Variants in MBOAT2 observed in about 807,000 individuals in gnomAD.
MBOAT2 encodes membrane bound glycerophospholipid O-acyltransferase 2.
A neutral mutation model predicts 63.4 loss-of-function variants in MBOAT2; 28 were observed. The observed-to-expected ratio is 0.44, with a 90% CI of 0.33 to 0.61. The LOEUF (loss-of-function observed/expected upper bound fraction) is 0.61. Among genes scored for constraint, MBOAT2 ranks in the 20% least tolerant of loss-of-function variants. MBOAT2 has a pLI of 0.03. For synonymous variants in MBOAT2, 211 were observed against 215.6 expected (o/e 0.98, Z 0.19); for missense variants, 470 against 605.8 (o/e 0.78, Z 2.35).
chr2:8,897,932 T>G (rs1055885487), intron 4 of MBOAT2, among the ~76,000 whole-genome samples: 8 of 152,204 alleles, frequency 5.3e-5, no homozygotes, highest in Non-Finnish European at 8.8e-5. Context: ...CTTTGCCACC[T>G]AGTATGCCAT....
chr2:8,967,834 T>C (rs1376697527), intron 1 of MBOAT2, among the ~76,000 whole-genome samples: 2 of 151,818 alleles, frequency 1.3e-5, no homozygotes, highest in Non-Finnish European at 2.9e-5. Context: ...TAGATACAAC[T>C]TCATCACATA....
At chr2:8,941,740 G>T (rs1045646234) in intron 3 of MBOAT2, among the ~76,000 whole-genome samples, 1 of 152,052 alleles carries the variant, frequency 6.6e-6, no homozygotes, top group African/African-American at 2.4e-5. Context: ...AGTCACATGT[G>T]CACTAGTGGC....
At chr2:8,897,659 C>T (rs893312739) in intron 4 of MBOAT2, among the ~76,000 whole-genome samples, 3 of 152,166 alleles carry the variant, frequency 2.0e-5, no homozygotes, top group African/African-American at 7.2e-5. Flanking sequence ...CATAACCTGC[C>T]CTTCATATCC....
chr2:8,919,981 G>A (rs1457118825), intron 3 of MBOAT2, among the ~76,000 whole-genome samples: 1 of 152,064 alleles, frequency 6.6e-6, no homozygotes, highest in East Asian at 1.9e-4. Context: ...GCCCAGGCTG[G>A]TCTCAAACTC....
intron 1 of MBOAT2, among the ~76,000 whole-genome samples, chr2:8,972,211 C>G (rs1220732226): frequency 2.6e-5 from 4 of 152,110 alleles, no homozygotes; most frequent in South Asian, 4.1e-4. Flanking sequence ...AGAAATAATA[C>G]CACACATCTA....
chr2:8,902,642 C>T (rs1268595803), intron 4 of MBOAT2, among the ~76,000 whole-genome samples: 1 of 152,072 alleles, frequency 6.6e-6, no homozygotes, highest in Non-Finnish European at 1.5e-5. Flanking sequence ...AGCTGTAGAC[C>T]TTTGCGGTGA....
intron 9 of MBOAT2, among the ~76,000 whole-genome samples, 160 bp downstream of exon 9, chr2:8,868,286 G>A (rs1662046430): frequency 6.6e-6 from 1 of 152,088 alleles, no homozygotes; most frequent in Non-Finnish European, 1.5e-5. Flanking sequence ...CAGTGCCCAG[G>A]GCACATAGTT....
intron 11 of MBOAT2, 126 bp from the exon 12 acceptor site, chr2:8,860,890 TG>T (rs1661445254): frequency 5.4e-6 from 4 of 736,692 alleles, no homozygotes; most frequent in Non-Finnish European, 8.7e-6. Flanking sequence ...AAGTTGCTAG[TG>T]GGAATGTACA....
At chr2:8,938,244 T>C (rs1054046106) in intron 3 of MBOAT2, among the ~76,000 whole-genome samples, 39 of 152,328 alleles carry the variant, frequency 2.6e-4, no homozygotes, top group African/African-American at 8.7e-4. Flanking sequence ...TGTTTCTCAT[T>C]TGAGAGGACA....
rs759284885 is a variant in MBOAT2, at chr2:9,003,546, G to T, written c.69C>A (p.Ile23=). 1 of 1,220,498 alleles carries T rather than the reference G, an allele frequency of 8.2e-7. No homozygotes were observed. Among genetic ancestry groups the T allele is most frequent in the South Asian group, 3.0e-5 (1 of 33,090 alleles). The allele number at this position is 1,220,498 out of a possible 1,614,324, so 75.6% of individuals were successfully genotyped here. A position where few individuals can be genotyped will look rare whatever the true frequency, so the allele number is the denominator to read the frequency against. The change falls in exon 1 of 13, where the codon ATC becomes ATA. Residue 23 remains isoleucine (I), a synonymous_variant. Coordinates refer to ENST00000305997, the MANE Select transcript of MBOAT2 (RefSeq NM_138799.4). The surrounding 1 kb of genome is among the most constrained non-coding windows in gnomAD (Gnocchi z 5.4). ...QPLSNAVQLP[I]DQVNFVVCQL... ...CCAGGGCGCCTCGGGGTACCTGGTCGATGGGCAGCTGCACGGCGTTGCTGA... is the reference window on the plus strand; with the variant it reads ...CCAGGGCGCCTCGGGGTACCTGGTCTATGGGCAGCTGCACGGCGTTGCTGA...
At chr2:8,907,310 A>G (rs1665407854) in intron 4 of MBOAT2, among the ~76,000 whole-genome samples, 2 of 152,092 alleles carry the variant, frequency 1.3e-5, no homozygotes, top group Non-Finnish European at 2.9e-5. Context: ...ATTATTCCCG[A>G]CTCAATATAT....
chr2:8,961,427 A>G (rs1669590715), intron 1 of MBOAT2, among the ~76,000 whole-genome samples: 1 of 152,126 alleles, frequency 6.6e-6, no homozygotes, highest in Non-Finnish European at 1.5e-5. Context: ...TTACAACTTT[A>G]CCCCAGATAA....
rs1001246718 is a variant in MBOAT2, at chr2:8,910,258, T to TCACACA, written c.300-1548_300-1543dup. 5.3e-5 allele frequency among the ~76,000 whole-genome samples: 8 copies of TCACACA among 151,892 alleles called. 1 individual carries two copies. In the South Asian group the frequency reaches 1.2e-3, roughly 24 times the overall value. ...GTGTAGGTCCTAATCAAGGAACTGATCACACACATCTAGGGGACAAGGAAG... is the reference window on the plus strand; with the variant it reads ...GTGTAGGTCCTAATCAAGGAACTGATCACACACACACACATCTAGGGGACAAGGAAG... On this transcript the variant is annotated intron_variant, in intron 3 of 12. Coordinates refer to ENST00000305997, the MANE Select transcript of MBOAT2 (RefSeq NM_138799.4).
chr2:8,968,671 G>A lies in MBOAT2; in HGVS notation c.76-10029C>T, dbSNP rs889678358. ...ATGGCTAACTAGAATAACCAGTGTA[G>A]AGAAGTCCTTAAATGACCTGATGTA... On this transcript the variant is annotated intron_variant, in intron 1 of 12. Coordinates refer to ENST00000305997, the MANE Select transcript of MBOAT2 (RefSeq NM_138799.4). Among the ~76,000 whole-genome samples, 8 of 152,308 alleles carry A rather than the reference G, an allele frequency of 5.3e-5. No individual in the cohort carries two copies. The East Asian group carries it at 1.4e-3, about 26-fold the overall frequency.
In MBOAT2 at chr2:8,918,570, G is replaced by A. The variant is rs144153701; in HGVS notation, c.300-9854C>T. On this transcript the variant is annotated intron_variant, in intron 3 of 12. Transcript: ENST00000305997. ...TGTTTGTTTAATAAAAAGAAAAAAG[G>A]CAGTATCTATGGTGCAATAAATAAA... Among the ~76,000 whole-genome samples, 481 of 152,288 alleles carry A rather than the reference G, an allele frequency of 3.2e-3. 8 individuals are homozygous for A. The highest frequency in any genetic ancestry group is 3.6e-3 in the Non-Finnish European group (245 of 68,022).
intron 9 of MBOAT2, among the ~76,000 whole-genome samples, chr2:8,865,690 G>C (rs1023765680): frequency 6.6e-6 from 1 of 152,202 alleles, no homozygotes; most frequent in South Asian, 2.1e-4. Flanking sequence ...ACTCCTAGGA[G>C]TTGTGTAATC....
intron 3 of MBOAT2, among the ~76,000 whole-genome samples, chr2:8,920,290 T>C (rs868667962): frequency 8.5e-5 from 13 of 152,158 alleles, no homozygotes; most frequent in Non-Finnish European, 1.5e-4. Flanking sequence ...GCACTGTGTA[T>C]TGAAAAAACT....
At chr2:8,983,910 G>A (rs557149554) in intron 1 of MBOAT2, among the ~76,000 whole-genome samples, 1 of 152,176 alleles carries the variant, frequency 6.6e-6, no homozygotes, top group African/African-American at 2.4e-5. Context: ...AGATAATATA[G>A]GAAGATATCT....
intron 6 of MBOAT2, among the ~76,000 whole-genome samples, chr2:8,877,903 G>A (rs1314516615): frequency 6.6e-6 from 1 of 152,202 alleles, no homozygotes; most frequent in Non-Finnish European, 1.5e-5. Flanking sequence ...GGGGGAAGAG[G>A]TGGGAGCAGG....
Sources: gnomAD v4.1 joint callset for allele counts (sites outside exome capture counted in the v4.1 genomes callset) on GRCh38, gnomAD v4.1.1 for gene constraint, Gnocchi (gnomAD v3.1) non-coding constraint, MANE v1.5 for transcripts, NCBI Gene and HGNC (gene_info 2026-07-23, HGNC 2026-07-21) for gene names.